Variants in ZNF732 observed in about 807,000 individuals in gnomAD.
ZNF732 encodes the protein zinc finger protein 732.
A neutral mutation model predicts 11.5 loss-of-function variants in ZNF732; 12 were observed. That is an observed-to-expected ratio of 1.05 (90% CI 0.67 to 1.70). The LOEUF (loss-of-function observed/expected upper bound fraction) is 1.70. ZNF732 is among the 40% of genes most tolerant of loss of function. ZNF732 has a pLI of 0.00. For missense variants in ZNF732, 702 were observed against 676.9 expected (o/e 1.04, Z -0.41); for synonymous variants, 231 against 236.5 (o/e 0.98, Z 0.21).
chr4:277,789 CA>C (rs1367932928), intron 3 of ZNF732, among the ~76,000 whole-genome samples: 2 of 151,656 alleles, frequency 1.3e-5, no homozygotes, highest in Non-Finnish European at 2.9e-5. Context: ...CACACACACA[CA>C]AAAAAAATTC....
chr4:289,661 AAAATAGTTC>A (rs1351176778), intron 3 of ZNF732, among the ~76,000 whole-genome samples: 4 of 152,216 alleles, frequency 2.6e-5, no homozygotes, highest in Non-Finnish European at 4.4e-5. Flanking sequence ...TTTCTTTGTT[AAAATAGTTC>A]GTGTTTCTGT....
chr4:293,898 T>C (rs1477602409), intron 3 of ZNF732, among the ~76,000 whole-genome samples: 3 of 152,230 alleles, frequency 2.0e-5, no homozygotes, highest in Admixed American at 6.5e-5. Flanking sequence ...AAGTACTCAA[T>C]GTAAAAAACA....
intron 3 of ZNF732, among the ~76,000 whole-genome samples, chr4:292,414 G>A (rs1385053205): frequency 6.6e-6 from 1 of 151,882 alleles, no homozygotes; most frequent in Non-Finnish European, 1.5e-5. Flanking sequence ...AAAATTAGCT[G>A]GGCATGGTGG....
chr4:279,514 A>G (rs1719574686), intron 3 of ZNF732, among the ~76,000 whole-genome samples: 1 of 152,122 alleles, frequency 6.6e-6, no homozygotes, highest in African/African-American at 2.4e-5. Flanking sequence ...AAATCAGTCA[A>G]AATTATAGAA....
rs534173072 is a variant in ZNF732 at position 299,435 on chromosome 4, G to GTA, written c.4-3282_4-3281dup. Among the ~76,000 whole-genome samples, 66 of 95,448 alleles carry GTA rather than the reference G, an allele frequency of 6.9e-4. 2 individuals are homozygous for GTA. Among genetic ancestry groups the GTA allele is most frequent in the East Asian group, 2.0e-3 (7 of 3,536 alleles). The allele number at this position is 95,448 out of a possible 152,430, so 62.6% of individuals were successfully genotyped here. On this transcript the variant is annotated intron_variant, in intron 1 of 3. Coordinates refer to ENST00000419098, the MANE Select transcript of ZNF732 (RefSeq NM_001137608.3). ...TATATACACATATATACACATATGT[G>GTA]TATATATATATATATACACATATGT... is the stretch of plus-strand genomic sequence containing the variant.
At chr4:284,942 A>G (rs1468761737) in intron 3 of ZNF732, among the ~76,000 whole-genome samples, 1 of 151,938 alleles carries the variant, frequency 6.6e-6, no homozygotes, top group Non-Finnish European at 1.5e-5. Flanking sequence ...AAAGGCAGAG[A>G]AAGAATTTAC....
At chr4:280,372 T>A (rs1553839564) in intron 3 of ZNF732, among the ~76,000 whole-genome samples, 1 of 150,054 alleles carries the variant, frequency 6.7e-6, no homozygotes, top group Non-Finnish European at 1.5e-5. Context: ...CAGGTGGATC[T>A]CAAGGTCAGG....
chr4:291,867 G>A (rs1553841378), intron 3 of ZNF732, among the ~76,000 whole-genome samples: 1 of 152,044 alleles, frequency 6.6e-6, no homozygotes, highest in Admixed American at 6.5e-5. Context: ...CATAAATACA[G>A]ATATAAAAAA....
At position 271,562 on chromosome 4, in the gene ZNF732, T is replaced by C. The variant is rs371788816; in HGVS notation, c.1295A>G (p.Asp432Gly). 1 of 1,607,256 alleles carries C rather than the reference T, an allele frequency of 6.2e-7. No homozygotes were observed. Residue 432 changes from aspartate to glycine, a missense_variant, in exon 4 of 4, where the codon GAC (aspartate) becomes GGC (glycine). Asp to Gly is a moderately conservative substitution (Grantham distance 94). Transcript: ENST00000419098. Reference protein sequence around the residue: ...ECGKAFGWSTDLNKHKIIHTG... With the variant: ...ECGKAFGWSTGLNKHKIIHTG... The stretch of plus-strand genomic sequence containing the variant: ...ATGAATTATCTTATGTTTATTCAGG[T>C]CTGTGGACCATCCAAAGGCTTTGCC...
Position 303,235 on chromosome 4 carries a change from C to G in ZNF732, c.3+2073G>C, listed in dbSNP as rs1224057165. On this transcript the variant is annotated intron_variant, in intron 1 of 3. Coordinates refer to ENST00000419098, the MANE Select transcript of ZNF732 (RefSeq NM_001137608.3). ...GTAAAATTGTTTTAACTAGACCCCC[C>G]CTCCCCTTTCTAAACCAAAGTATAA... Among the ~76,000 whole-genome samples the G allele has an allele frequency of 2.0e-5, 3 of 152,180 alleles. No homozygotes were observed. In the East Asian group the frequency reaches 5.8e-4, roughly 29 times the overall value.
chr4:302,366 A>T (rs1255104095), intron 1 of ZNF732, among the ~76,000 whole-genome samples: 1 of 152,250 alleles, frequency 6.6e-6, no homozygotes, highest in African/African-American at 2.4e-5. Context: ...CATCATAGGC[A>T]ATCTACTAAG....
chr4:299,551 ATG>A (rs1225913724), intron 1 of ZNF732, among the ~76,000 whole-genome samples: 2 of 136,672 alleles, frequency 1.5e-5, no homozygotes, highest in Non-Finnish European at 3.1e-5. Flanking sequence ...ACACATATAT[ATG>A]TATATATATA....
chr4:298,895 A>G (rs1327787816), intron 1 of ZNF732, among the ~76,000 whole-genome samples: 1 of 152,182 alleles, frequency 6.6e-6, no homozygotes, highest in African/African-American at 2.4e-5. Flanking sequence ...TACACTTAAC[A>G]GATTCTGCCA....
intron 3 of ZNF732, among the ~76,000 whole-genome samples, chr4:293,986 T>A (rs1719897113): frequency 6.6e-6 from 1 of 152,130 alleles, no homozygotes; most frequent in South Asian, 2.1e-4. Flanking sequence ...TCAATTAAAG[T>A]CTGGTAAAAT....
intron 1 of ZNF732, among the ~76,000 whole-genome samples, chr4:299,998 C>T (rs961943052): frequency 2.7e-5 from 4 of 150,598 alleles, no homozygotes; most frequent in Non-Finnish European, 5.9e-5. Context: ...GCCACCATGC[C>T]CAGCTGACGA....
chr4:291,328 T>G lies in ZNF732; in HGVS notation c.226+4110A>C, dbSNP rs1158312432. Among the ~76,000 whole-genome samples, 6 of 152,208 alleles carry G rather than the reference T, an allele frequency of 3.9e-5. 1 individual carries two copies. The highest frequency in any genetic ancestry group is 6.5e-5 in the Admixed American group (1 of 15,284). ...AACTCCTGTGCTCAAGTGATCCACATGCCTTGGCCTCTGAAAGTGCTGAAT... is the reference window on the plus strand; with the variant it reads ...AACTCCTGTGCTCAAGTGATCCACAGGCCTTGGCCTCTGAAAGTGCTGAAT... On this transcript the variant is annotated intron_variant, in intron 3 of 3. Coordinates refer to ENST00000419098, the MANE Select transcript of ZNF732 (RefSeq NM_001137608.3).
rs536953793 is a variant in ZNF732, at chr4:284,057, C to A, written c.226+11381G>T. Reference sequence around the variant, plus strand: ...TCCTGAGTAGCTGGGACTACAGGCACCCGCCACCACGCCCGGCTAATTTTT... The same window carrying A: ...TCCTGAGTAGCTGGGACTACAGGCAACCGCCACCACGCCCGGCTAATTTTT... On this transcript the variant is annotated intron_variant, in intron 3 of 3. Coordinates refer to ENST00000419098, the MANE Select transcript of ZNF732 (RefSeq NM_001137608.3). Among the ~76,000 whole-genome samples, 42 of 152,048 alleles carry A rather than the reference C, an allele frequency of 2.8e-4. 1 individual carries two copies. The highest frequency in any genetic ancestry group is 3.4e-3 in the Middle Eastern group (1 of 294).
chr4:280,967 G>A lies in ZNF732; in HGVS notation c.227-8337C>T, dbSNP rs1190529108. 2.6e-5 allele frequency among the ~76,000 whole-genome samples: 4 copies of A among 152,248 alleles called. No individual in the cohort carries two copies. The South Asian group carries it at 8.3e-4, about 32-fold the overall frequency. ...GGAATCCTGCCCAGACACCCACAGA[G>A]AGAAACATCCATCTGTGCCCGAATG... On this transcript the variant is annotated intron_variant, in intron 3 of 3. Transcript: ENST00000419098.
chr4:299,459 GTGTA>G (rs1560165271), intron 1 of ZNF732, among the ~76,000 whole-genome samples: 4 of 38,924 alleles, frequency 1.0e-4, no homozygotes, highest in African/African-American at 2.0e-4. Context: ...ATACACATAT[GTGTA>G]TATATATATA....
Sources: gnomAD v4.1 joint callset for allele counts (sites outside exome capture counted in the v4.1 genomes callset) on GRCh38, gnomAD v4.1.1 for gene constraint, MANE v1.5 for transcripts, NCBI Gene and HGNC (gene_info 2026-07-23, HGNC 2026-07-21) for gene names.